RORB: variants seen among roughly 807,000 people sequenced by gnomAD.
The protein encoded by RORB is RAR related orphan receptor B.
A neutral mutation model predicts 59.1 loss-of-function variants in RORB; 6 were observed. The ratio of observed to expected loss-of-function variants is 0.10; its 90% confidence interval spans 0.06 to 0.20. RORB has a LOEUF of 0.20. Ranked by LOEUF, RORB falls within the 10% of genes least tolerant of loss-of-function variation. The pLI is 1.00. For synonymous variants in RORB, 215 were observed against 204.5 expected, an observed-to-expected ratio of 1.05 and a Z score of -0.44; for missense variants, 320 against 560.5, an observed-to-expected ratio of 0.57 and a Z score of 4.33.
At chr9:74,563,423 A>T (rs1280992284) in intron 1 of RORB, among the ~76,000 whole-genome samples, 1 of 152,072 alleles carries the variant, frequency 6.6e-6, no homozygotes, top group Non-Finnish European at 1.5e-5. Flanking sequence ...TGACCTTGTG[A>T]TCCACCTGCC....
chr9:74,532,011 T>C (rs1179470455), intron 1 of RORB, among the ~76,000 whole-genome samples: 1 of 151,948 alleles, frequency 6.6e-6, no homozygotes, highest in Non-Finnish European at 1.5e-5. Context: ...TTTCTTTTTA[T>C]CTAAGCTGAC....
At chr9:74,527,049 G>A (rs1451519671) in intron 1 of RORB, among the ~76,000 whole-genome samples, 1 of 151,930 alleles carries the variant, frequency 6.6e-6, no homozygotes, top group African/African-American at 2.4e-5. Context: ...GACAACTTGT[G>A]AAAGACATCC....
rs568074515 is a variant in RORB, at chr9:74,534,645, C to T, written c.7+36662C>T. Reference sequence around the variant, plus strand: ...GAGCCTGCCTGTCCACCCATACACCCTAGATGCTAACTTGAACCCCAGTGC... The same window carrying T: ...GAGCCTGCCTGTCCACCCATACACCTTAGATGCTAACTTGAACCCCAGTGC... On this transcript the variant is annotated intron_variant, in intron 1 of 9. Coordinates refer to ENST00000376896, the MANE Select transcript of RORB (RefSeq NM_006914.4). Among the ~76,000 whole-genome samples the T allele has an allele frequency of 7.2e-5, 11 of 152,014 alleles. No homozygotes were observed. In the South Asian group the frequency reaches 1.9e-3, roughly 26 times the overall value.
intron 8 of RORB, among the ~76,000 whole-genome samples, chr9:74,670,300 C>T (rs546110943): frequency 6.6e-6 from 1 of 152,154 alleles, no homozygotes; most frequent in Non-Finnish European, 1.5e-5. Flanking sequence ...TTCTTGCTTG[C>T]TCCAAGGAAG....
intron 1 of RORB, among the ~76,000 whole-genome samples, chr9:74,613,886 C>T (rs1199359986): frequency 1.3e-5 from 2 of 152,110 alleles, no homozygotes; most frequent in Admixed American, 6.5e-5. Context: ...GCTGCATTTA[C>T]GTTGCTTTAA....
At chr9:74,655,971 G>A (rs577077346) in intron 4 of RORB, among the ~76,000 whole-genome samples, 3 of 152,286 alleles carry the variant, frequency 2.0e-5, no homozygotes, top group East Asian at 3.9e-4. Context: ...ATTGCCATTC[G>A]TAATAAGTCT....
intron 1 of RORB, among the ~76,000 whole-genome samples, chr9:74,619,269 C>T (rs907405576): frequency 1.3e-5 from 2 of 152,172 alleles, no homozygotes; most frequent in African/African-American, 4.8e-5. Context: ...AGCACCAAAC[C>T]TTCCCAGCTT....
chr9:74,656,187 T>C (rs1045366074), intron 4 of RORB, among the ~76,000 whole-genome samples: 3 of 152,262 alleles, frequency 2.0e-5, no homozygotes, highest in African/African-American at 7.2e-5. Context: ...ATGGACATCT[T>C]CAACATTATC....
chr9:74,640,465 A>G (rs1314243151), intron 3 of RORB, among the ~76,000 whole-genome samples: 1 of 149,140 alleles, frequency 6.7e-6, no homozygotes, highest in Non-Finnish European at 1.5e-5. Context: ...GTGTATTTTT[A>G]GTAGAGACAG....
In RORB at chr9:74,527,704, A is replaced by C. The variant is rs1826177101; in HGVS notation, c.7+29721A>C. ...TTGTCAAAGATTTCCAAGTCTGATC[A>C]CATGAAGGCCAGTGCTCTTTGCACC... On this transcript the variant is annotated intron_variant, in intron 1 of 9. Transcript: ENST00000376896. 2.6e-5 allele frequency among the ~76,000 whole-genome samples: 4 copies of C among 152,040 alleles called. No homozygotes were observed. The South Asian group carries it at 8.3e-4, about 32-fold the overall frequency.
At chr9:74,603,438 C>T (rs937480198) in intron 1 of RORB, among the ~76,000 whole-genome samples, 1 of 152,150 alleles carries the variant, frequency 6.6e-6, no homozygotes, top group African/African-American at 2.4e-5. Flanking sequence ...ACTAAGGATG[C>T]ATCTCTTAAG....
chr9:74,570,958 TTAA>T (rs932969296), intron 1 of RORB, among the ~76,000 whole-genome samples: 4 of 151,262 alleles, frequency 2.6e-5, no homozygotes, highest in African/African-American at 9.7e-5. Context: ...TTGTTGTGAA[TTAA>T]TAATAAATAA....
At chr9:74,606,474 A>T (rs1323308703) in intron 1 of RORB, among the ~76,000 whole-genome samples, 1 of 152,214 alleles carries the variant, frequency 6.6e-6, no homozygotes, top group East Asian at 1.9e-4. Context: ...TGGCTGTAAG[A>T]TGTCCCAGGA....
intron 9 of RORB, among the ~76,000 whole-genome samples, chr9:74,682,295 AG>A (rs1227145911): frequency 5.8e-5 from 3 of 51,916 alleles, no homozygotes; most frequent in East Asian, 1.3e-3. Context: ...GGGTGGGGGG[AG>A]GGGGGAGGGA....
At chr9:74,545,800 C>A (rs1011498445) in intron 1 of RORB, among the ~76,000 whole-genome samples, 1 of 135,544 alleles carries the variant, frequency 7.4e-6, no homozygotes, top group Non-Finnish European at 1.6e-5. Flanking sequence ...TCTTATTTTA[C>A]CTGACAGTTT....
chr9:74,670,447 G>A (rs986016722), intron 8 of RORB, among the ~76,000 whole-genome samples: 1 of 152,132 alleles, frequency 6.6e-6, no homozygotes, highest in East Asian at 1.9e-4. Flanking sequence ...CAGAAGAAAA[G>A]CTAGCCTCTT....
intron 5 of RORB, 111 bp from the exon 6 acceptor site, chr9:74,662,363 C>A: frequency 1.0e-6 from 1 of 983,068 alleles, no homozygotes; most frequent in Non-Finnish European, 1.5e-6. Flanking sequence ...ATATAAATTC[C>A]CTCCTTTGGC....
At chr9:74,651,967 C>G (rs1000802875) in intron 4 of RORB, among the ~76,000 whole-genome samples, 14 of 152,224 alleles carry the variant, frequency 9.2e-5, no homozygotes, top group African/African-American at 3.4e-4. Flanking sequence ...TGATCCAAAA[C>G]AGCTTTCTGT....
chr9:74,682,372 A>G (rs1203787186), intron 9 of RORB, among the ~76,000 whole-genome samples: 2 of 151,912 alleles, frequency 1.3e-5, no homozygotes, highest in African/African-American at 4.8e-5. Flanking sequence ...AACATGGCAC[A>G]TGTATACATA....
Sources: gnomAD v4.1 joint callset for allele counts (sites outside exome capture counted in the v4.1 genomes callset) on GRCh38, gnomAD v4.1.1 for gene constraint, MANE v1.5 for transcripts, NCBI Gene and HGNC (gene_info 2026-07-23, HGNC 2026-07-21) for gene names.